PPP2R2B: variants seen among roughly 807,000 people sequenced by gnomAD.
PPP2R2B encodes protein phosphatase 2 regulatory subunit Bbeta.
Under a neutral mutation model 46.0 loss-of-function variants are expected in PPP2R2B, and 5 were observed. That is an observed-to-expected ratio of 0.11 (90% CI 0.06 to 0.23). PPP2R2B has a LOEUF of 0.23. Among genes scored for constraint, PPP2R2B ranks in the 10% least tolerant of loss-of-function variants. The pLI, the probability that PPP2R2B is intolerant of heterozygous loss-of-function variation, is 1.00. For synonymous variants in PPP2R2B, 215 were observed against 206.7 expected, an observed-to-expected ratio of 1.04 and a Z score of -0.34; for missense variants, 367 against 575.0, an observed-to-expected ratio of 0.64 and a Z score of 3.70.
At chr5:146,753,872 C>T (rs920883536) in intron 2 of PPP2R2B, among the ~76,000 whole-genome samples, 1 of 152,102 alleles carries the variant, frequency 6.6e-6, no homozygotes, top group East Asian at 1.9e-4. Context: ...TCTCCAGGGG[C>T]AACTTGTACC....
intron 1 of PPP2R2B, among the ~76,000 whole-genome samples, chr5:146,928,264 T>G (rs1763850229): frequency 6.6e-6 from 1 of 151,942 alleles, no homozygotes; most frequent in Non-Finnish European, 1.5e-5. Context: ...TTGGCCCTTT[T>G]TAGGTTTATA....
intron 1 of PPP2R2B, among the ~76,000 whole-genome samples, chr5:146,886,198 G>C (rs925238645): frequency 9.2e-5 from 14 of 151,988 alleles, no homozygotes; most frequent in African/African-American, 3.4e-4. Context: ...AATTAGCCGG[G>C]CGTGGTGGCG....
At chr5:147,029,125 T>C (rs1755663062) in intron 1 of PPP2R2B, among the ~76,000 whole-genome samples, 2 of 152,196 alleles carry the variant, frequency 1.3e-5, no homozygotes, top group African/African-American at 4.8e-5. Flanking sequence ...ACTCCTTTTT[T>C]TGATGAATAG....
intron 2 of PPP2R2B, among the ~76,000 whole-genome samples, chr5:146,844,973 A>C (rs1299343165): frequency 6.6e-6 from 1 of 152,140 alleles, no homozygotes; most frequent in African/African-American, 2.4e-5. Context: ...TTCCAACTCC[A>C]TTCCACGGCT....
At chr5:147,054,163 A>G (rs114459764) in intron 1 of PPP2R2B, among the ~76,000 whole-genome samples, 1 of 152,326 alleles carries the variant, frequency 6.6e-6, no homozygotes, top group African/African-American at 2.4e-5. Flanking sequence ...TCTATATGAT[A>G]TAGAATGTTT....
intron 2 of PPP2R2B, among the ~76,000 whole-genome samples, chr5:146,780,487 C>T (rs868463382): frequency 2.0e-5 from 3 of 152,186 alleles, no homozygotes; most frequent in Middle Eastern, 3.4e-3. Flanking sequence ...GCTGACTGTC[C>T]GATAGCAAAA....
At chr5:146,822,913 C>T (rs1217801027) in intron 2 of PPP2R2B, among the ~76,000 whole-genome samples, 1 of 152,122 alleles carries the variant, frequency 6.6e-6, no homozygotes, top group Non-Finnish European at 1.5e-5. Flanking sequence ...CAATGCAGTC[C>T]CCAAATTTAG....
At chr5:146,763,035 T>C (rs562016269) in intron 2 of PPP2R2B, among the ~76,000 whole-genome samples, 1 of 152,340 alleles carries the variant, frequency 6.6e-6, no homozygotes, top group South Asian at 2.1e-4. Flanking sequence ...AGAGCAGCTC[T>C]GTGAGCCTGT....
intron 2 of PPP2R2B, among the ~76,000 whole-genome samples, chr5:146,835,065 T>C (rs1294710816): frequency 6.6e-6 from 1 of 152,182 alleles, no homozygotes; most frequent in East Asian, 1.9e-4. Flanking sequence ...TTTGCTATTA[T>C]GAATAGTCCT....
intron 1 of PPP2R2B, among the ~76,000 whole-genome samples, chr5:147,002,749 CG>C (rs1378730355): frequency 2.7e-5 from 4 of 148,496 alleles, no homozygotes; most frequent in African/African-American, 9.7e-5. Flanking sequence ...TGCGGGTTCT[CG>C]GGCAAGAGAT....
intron 2 of PPP2R2B, among the ~76,000 whole-genome samples, chr5:146,788,017 T>A (rs1755952036): frequency 6.6e-6 from 1 of 152,176 alleles, no homozygotes. Flanking sequence ...ATGTCTGCTT[T>A]CGGAGGCAAA....
chr5:146,811,343 C>T (rs981428335), intron 2 of PPP2R2B, among the ~76,000 whole-genome samples: 1 of 152,138 alleles, frequency 6.6e-6, no homozygotes, highest in African/African-American at 2.4e-5. Context: ...TTTTCCTTGG[C>T]TCATCACTCC....
At chr5:146,676,364 G>A (rs1462699885) in intron 5 of PPP2R2B, among the ~76,000 whole-genome samples, 1 of 152,056 alleles carries the variant, frequency 6.6e-6, no homozygotes, top group Non-Finnish European at 1.5e-5. Context: ...GCCATAAGCT[G>A]CCTCACCACC....
intron 2 of PPP2R2B, among the ~76,000 whole-genome samples, chr5:146,810,275 A>G (rs1253201420): frequency 6.6e-6 from 1 of 152,168 alleles, no homozygotes; most frequent in Non-Finnish European, 1.5e-5. Flanking sequence ...AGGCCTCACA[A>G]TCATGGTGGA....
Position 146,730,087 on chromosome 5 carries a change from A to G in PPP2R2B, c.71-28945T>C, listed in dbSNP as rs1008134935. ...GAGGGAGGCTATACCCTGCAAAGCC[A>G]CAGGGGCAGAGCTGCCTAAGACTCT... On this transcript the variant is annotated intron_variant, in intron 2 of 9. Coordinates refer to ENST00000394411, the MANE Select transcript of PPP2R2B (RefSeq NM_181675.4). 5.3e-5 allele frequency among the ~76,000 whole-genome samples: 8 copies of G among 152,226 alleles called. No homozygotes were observed. The East Asian group carries it at 1.5e-3, about 29-fold the overall frequency.
chr5:146,867,010 T>C (rs1761351407), intron 2 of PPP2R2B, among the ~76,000 whole-genome samples: 1 of 152,238 alleles, frequency 6.6e-6, no homozygotes, highest in Non-Finnish European at 1.5e-5. Context: ...CATTTGTGTT[T>C]GTTTCCAAAT....
chr5:146,796,964 T>A (rs1756578001), intron 2 of PPP2R2B, among the ~76,000 whole-genome samples: 1 of 152,172 alleles, frequency 6.6e-6, no homozygotes, highest in South Asian at 2.1e-4. Context: ...TGTAACTCCA[T>A]CCCATAAGTT....
intron 1 of PPP2R2B, among the ~76,000 whole-genome samples, chr5:146,966,881 G>T (rs1752441330): frequency 6.6e-6 from 1 of 152,122 alleles, no homozygotes; most frequent in Non-Finnish European, 1.5e-5. Context: ...CTTAGTGGGG[G>T]TAATGTCACC....
chr5:146,910,296 T>G lies in PPP2R2B; in HGVS notation c.79+145369A>C, dbSNP rs112137526. 4.4e-3 allele frequency among the ~76,000 whole-genome samples: 677 copies of G among 152,338 alleles called. 8 individuals are homozygous for G. Among genetic ancestry groups the G allele is most frequent in the African/African-American group, 0.016 (648 of 41,576 alleles). On this transcript the variant is annotated intron_variant, in intron 1 of 8. Transcript: ENST00000336640. ...AATTTGAAGGCTATACAGCTATGGA[T>G]GCAAAAGCTAGTTTGATCATTTATG...
Sources: gnomAD v4.1 joint callset for allele counts (sites outside exome capture counted in the v4.1 genomes callset) on GRCh38, gnomAD v4.1.1 for gene constraint, MANE v1.5 for transcripts, NCBI Gene and HGNC (gene_info 2026-07-23, HGNC 2026-07-21) for gene names.